The following DNAH5 variants were observed in gnomAD, a reference collection of about 807,000 sequenced individuals.
The protein encoded by DNAH5 is axonemal beta dynein heavy chain 5.
Under a neutral mutation model 518.2 loss-of-function variants are expected in DNAH5, and 372 were observed. The ratio of observed to expected loss-of-function variants is 0.72; its 90% CI spans 0.66 to 0.78. The LOEUF is 0.78. DNAH5 is among the 30% of genes least tolerant of loss of function. DNAH5 has a pLI of 0.00. For missense variants in DNAH5, 5,523 were observed against 5,687.0 expected (o/e 0.97, Z 0.93); for synonymous variants, 2,039 against 2,025.9 (o/e 1.01, Z -0.17).
At chr5:13,701,957 G>A (rs189770582) in intron 76 of DNAH5, among the ~76,000 whole-genome samples, 45 of 152,214 alleles carry the variant, frequency 3.0e-4, no homozygotes, top group Admixed American at 4.6e-4. Flanking sequence ...TAATTTTAAC[G>A]GGGTAAACAA....
chr5:13,748,744 T>C (rs1451719163), intron 65 of DNAH5, among the ~76,000 whole-genome samples: 1 of 152,202 alleles, frequency 6.6e-6, no homozygotes, highest in Admixed American at 6.5e-5. Flanking sequence ...CCTGAGACTT[T>C]GCTTAAGTTG....
chr5:13,769,631 C>A lies in DNAH5; in HGVS notation c.9606-16G>T. 6.2e-7 allele frequency: 1 copy of A among 1,600,184 alleles called. No individual in the cohort carries two copies. Among genetic ancestry groups the A allele is most frequent in the South Asian group, 1.1e-5 (1 of 90,814 alleles). On this transcript the variant is annotated splice_polypyrimidine_tract_variant and intron_variant, in intron 56 of 78. Coordinates refer to ENST00000265104, the MANE Select transcript of DNAH5 (RefSeq NM_001369.3). ...AGTATTCATTCTGGGATTGAAAATC[C>A]AAGCAAGCAATGTTAAAATGTGTAG... is the stretch of plus-strand genomic sequence containing the variant.
chr5:13,931,314 C>T, intron 1 of DNAH5, 70 bp from the exon 2 acceptor site: 4 of 1,597,190 alleles, frequency 2.5e-6, no homozygotes, highest in Non-Finnish European at 2.6e-6. Context: ...GTAATAATTT[C>T]ATACAATTGT....
intron 1 of DNAH5, among the ~76,000 whole-genome samples, chr5:13,950,157 A>C (rs1376985139): frequency 6.6e-6 from 1 of 152,242 alleles, no homozygotes; most frequent in African/African-American, 2.4e-5. Flanking sequence ...TGATCATCTG[A>C]GATGAGGCCT....
At chr5:13,802,573 T>C (rs1295027737) in intron 47 of DNAH5, among the ~76,000 whole-genome samples, 1 of 152,188 alleles carries the variant, frequency 6.6e-6, no homozygotes, top group Non-Finnish European at 1.5e-5. Flanking sequence ...AGCACTTATC[T>C]TGTCAACTAC....
chr5:13,823,472 T>C, intron 39 of DNAH5, 102 bp from the exon 40 acceptor site: 1 of 763,920 alleles, frequency 1.3e-6, no homozygotes, highest in Non-Finnish European at 2.3e-6. Context: ...TATTGCAATG[T>C]AACCACTAAC....
Position 13,817,802 on chromosome 5 carries a change from A to C in DNAH5, c.6842-108T>G, listed in dbSNP as rs79344996. Reference sequence around the variant, plus strand: ...ACTGTCAGCAGGTGCTCAAAATATGAAAACTGCAGAACTACATTGAAAATA... The same window carrying C: ...ACTGTCAGCAGGTGCTCAAAATATGCAAACTGCAGAACTACATTGAAAATA... On this transcript the variant is annotated intron_variant, in intron 41 of 78. Coordinates refer to ENST00000265104, the MANE Select transcript of DNAH5 (RefSeq NM_001369.3). 2,328 of 958,586 alleles carry C rather than the reference A, an allele frequency of 2.4e-3. 55 individuals carry two copies. In the African/African-American group the frequency reaches 0.033, roughly 14 times the overall value. The allele number at this position is 958,586 out of a possible 1,614,324, so 59.4% of individuals were successfully genotyped here.
At chr5:13,858,485 T>A (rs1018278735) in intron 30 of DNAH5, among the ~76,000 whole-genome samples, 1 of 152,088 alleles carries the variant, frequency 6.6e-6, no homozygotes, top group African/African-American at 2.4e-5. Context: ...GGTTGCTGGG[T>A]CCAGCAAACC....
intron 74 of DNAH5, among the ~76,000 whole-genome samples, chr5:13,714,935 G>A (rs560162066): frequency 2.0e-5 from 3 of 152,310 alleles, no homozygotes; most frequent in Middle Eastern, 3.4e-3. Context: ...TTTGCTTTAT[G>A]ACAGTCTAAT....
At chr5:13,806,192 C>T (rs542982116) in intron 47 of DNAH5, among the ~76,000 whole-genome samples, 152 of 152,152 alleles carry the variant, frequency 1.0e-3, no homozygotes, top group African/African-American at 3.4e-3. Flanking sequence ...ACACATATAA[C>T]GTTAGCATCT....
intron 42 of DNAH5, among the ~76,000 whole-genome samples, chr5:13,816,754 A>G (rs1222971004): frequency 6.6e-6 from 1 of 152,192 alleles, no homozygotes; most frequent in Non-Finnish European, 1.5e-5. Context: ...TATTAGCGTT[A>G]TTAAATGCGA....
At chr5:13,921,756 C>CCA (rs1554104142) in intron 5 of DNAH5, among the ~76,000 whole-genome samples, 2,966 of 145,240 alleles carry the variant, frequency 0.02, 115 homozygotes, top group African/African-American at 0.059. Context: ...ACACACCCCC[C>CCA]CACACACACA....
At chr5:13,938,672 G>C (rs1431297142) in intron 1 of DNAH5, among the ~76,000 whole-genome samples, 1 of 151,956 alleles carries the variant, frequency 6.6e-6, no homozygotes, top group Non-Finnish European at 1.5e-5. Flanking sequence ...TATTCCCCCT[G>C]GATAAGACAG....
chr5:13,732,870 CAGAG>C (rs1334114780), intron 68 of DNAH5, among the ~76,000 whole-genome samples: 2 of 152,142 alleles, frequency 1.3e-5, no homozygotes, highest in Non-Finnish European at 1.5e-5. Flanking sequence ...AAAGTCCTTA[CAGAG>C]AGAGTTTATA....
intron 11 of DNAH5, among the ~76,000 whole-genome samples, chr5:13,913,501 T>C (rs1776270662): frequency 6.6e-6 from 1 of 152,136 alleles, no homozygotes; most frequent in Non-Finnish European, 1.5e-5. Flanking sequence ...GCTTTTTTAA[T>C]GGTGATTAAT....
intron 1 of DNAH5, among the ~76,000 whole-genome samples, chr5:14,002,289 G>A (rs370710687): frequency 9.5e-4 from 144 of 152,314 alleles, no homozygotes; most frequent in Non-Finnish European, 1.4e-3. Flanking sequence ...AAGTGCATAT[G>A]TGTATCTTTT....
chr5:13,936,484 G>A (rs1580968891), intron 1 of DNAH5, among the ~76,000 whole-genome samples: 1 of 57,434 alleles, frequency 1.7e-5, no homozygotes, highest in South Asian at 5.2e-4. Flanking sequence ...TACACAAACT[G>A]TGTATAAACT....
chr5:13,928,764 G>C (rs144085431), intron 2 of DNAH5, among the ~76,000 whole-genome samples: 113 of 152,248 alleles, frequency 7.4e-4, no homozygotes, highest in African/African-American at 2.5e-3. Context: ...GCACTGTTTG[G>C]AATTCATATG....
intron 12 of DNAH5, among the ~76,000 whole-genome samples, chr5:13,903,618 G>C (rs1017796765): frequency 2.6e-5 from 4 of 151,700 alleles, no homozygotes; most frequent in African/African-American, 9.7e-5. Context: ...TCACAAAAGG[G>C]AGAAATCAAA....
Sources: gnomAD v4.1 joint callset for allele counts (sites outside exome capture counted in the v4.1 genomes callset) on GRCh38, gnomAD v4.1.1 for gene constraint, MANE v1.5 for transcripts, NCBI Gene and HGNC (gene_info 2026-07-23, HGNC 2026-07-21) for gene names.